The following DHX30 variants were observed in gnomAD, a reference collection of about 807,000 sequenced individuals.
The protein encoded by DHX30 is ATP-dependent RNA helicase DHX30.
Under a neutral mutation model 116.9 loss-of-function variants are expected in DHX30, and 4 were observed. The ratio of observed to expected loss-of-function variants is 0.03; its 90% CI spans 0.02 to 0.08. The LOEUF (loss-of-function observed/expected upper bound fraction) is 0.08, where lower values mean the gene tolerates loss of function less well. Ranked by LOEUF, DHX30 falls within the 10% of genes least tolerant of loss-of-function variation. The pLI, the probability that DHX30 is intolerant of heterozygous loss-of-function variation, is 1.00. For missense variants in DHX30, 871 were observed against 1,595.1 expected (o/e 0.55, Z 7.73); for synonymous variants, 697 against 651.7 (o/e 1.07, Z -1.06).
At chr3:47,839,983 AT>A (rs776918088) in intron 6 of DHX30, among the ~76,000 whole-genome samples, 41 of 134,978 alleles carry the variant, frequency 3.0e-4, no homozygotes, top group African/African-American at 5.0e-4. Context: ...CTGGCTACGT[AT>A]TTTTTTTTCT....
rs2038054511 is a variant in DHX30, at chr3:47,849,932, C to T, written c.3397C>T (p.Arg1133Cys). Residue 1133 changes from arginine to cysteine, a missense_variant, in exon 22 of 22, where the codon CGT becomes TGT. Around this residue, in one of 13 missense-constraint regions of DHX30, gnomAD observed 238 missense variants for 481.0 expected, o/e 0.49. Coordinates refer to ENST00000445061, the MANE Select transcript of DHX30 (RefSeq NM_138615.3). ...CCTGCTGCGGCTGGAGGGTGACTCG[C>T]GTACCGTGCGGCTGCTGAAGGAGCT... ...SDLLRLEGDSRTVRLLKELRR... is the reference protein window; with the variant it reads ...SDLLRLEGDSCTVRLLKELRR... 1.9e-6 allele frequency: 3 copies of T among 1,613,272 alleles called. No individual in the cohort carries two copies. The highest frequency in any genetic ancestry group is 2.5e-6 in the Non-Finnish European group (3 of 1,179,850).
intron 2 of DHX30, among the ~76,000 whole-genome samples, chr3:47,808,038 G>A (rs561140751): frequency 1.7e-4 from 26 of 151,968 alleles, no homozygotes; most frequent in South Asian, 1.7e-3. Context: ...AGCCTCCCAC[G>A]TAGTTGGGAT....
intron 6 of DHX30, among the ~76,000 whole-genome samples, chr3:47,831,448 A>T (rs1164499383): frequency 6.6e-6 from 1 of 152,152 alleles, no homozygotes; most frequent in Non-Finnish European, 1.5e-5. Flanking sequence ...GGGGGCAGAT[A>T]CCCAGACTGT....
Position 47,805,374 on chromosome 3 carries a change from C to G in DHX30, c.-74C>G, listed in dbSNP as rs2035469755. Reference sequence around the variant, plus strand: ...GGAATAGCAAGGAGAGAATTCAGCTCCAGTTCAAAAGCCTACAAAATCTGA... The same window carrying G: ...GGAATAGCAAGGAGAGAATTCAGCTGCAGTTCAAAAGCCTACAAAATCTGA... On this transcript the variant is annotated 5_prime_UTR_variant, in exon 2 of 22. Transcript: ENST00000445061. The G allele has an allele frequency of 5.0e-6, 2 of 398,946 alleles. No homozygotes were observed. The highest frequency in any genetic ancestry group is 3.6e-5 in the East Asian group (1 of 28,082). The allele number at this position is 398,946 out of a possible 1,614,324, so 24.7% of individuals were successfully genotyped here.
At chr3:47,810,163 TA>T (rs2035729049) in intron 2 of DHX30, among the ~76,000 whole-genome samples, 1 of 152,250 alleles carries the variant, frequency 6.6e-6, no homozygotes, top group South Asian at 2.1e-4. Context: ...GACTAGGTTT[TA>T]TGAAAGCCCA....
rs142466412 is a variant in DHX30, at chr3:47,843,245, A to C, written c.929A>C (p.Lys310Thr). Residue 310 changes from lysine (K) to threonine (T), a missense_variant, in exon 9 of 22, where the codon AAG becomes ACG. Lys to Thr is a moderately conservative substitution (Grantham distance 78). This residue lies in a region of DHX30 where 175 missense variants were observed against 292.9 expected (regional missense o/e 0.60). Transcript: ENST00000445061. Reference protein sequence around the residue: ...AENKAAALACKKLKSLGLVDR... With the variant: ...AENKAAALACTKLKSLGLVDR... ...AATAAGGCGGCAGCCTTGGCCTGCAAGAAACTGAAGGTGAGTCCAGGAAGG... is the reference window on the plus strand; with the variant it reads ...AATAAGGCGGCAGCCTTGGCCTGCACGAAACTGAAGGTGAGTCCAGGAAGG... 6.2e-7 allele frequency: 1 copy of C among 1,614,254 alleles called. No homozygotes were observed.
At position 47,828,981 on chromosome 3, in the gene DHX30, T is replaced by C. The variant is rs569880162; in HGVS notation, c.256-43T>C. On this transcript the variant is annotated intron_variant, in intron 5 of 21. Coordinates refer to ENST00000445061, the MANE Select transcript of DHX30 (RefSeq NM_138615.3). Reference sequence around the variant, plus strand: ...TCCATGTAATTTGCAACAACTCTAGTCTGGAGTGGCAAGACTTCTGATTTC... The same window carrying C: ...TCCATGTAATTTGCAACAACTCTAGCCTGGAGTGGCAAGACTTCTGATTTC... The C allele has an allele frequency of 7.1e-5, 89 of 1,259,716 alleles. 1 individual carries two copies. The East Asian group carries it at 1.7e-3, about 24-fold the overall frequency. The allele number at this position is 1,259,716 out of a possible 1,614,324, so 78.0% of individuals were successfully genotyped here. A position where few individuals can be genotyped will look rare whatever the true frequency, so the allele number is the denominator to read the frequency against.
At position 47,840,999 on chromosome 3, in the gene DHX30, T is replaced by C. The variant is rs1559714493; in HGVS notation, c.489T>C (p.Thr163=). ...WWRPEPTMPP[T]SWRQLNPESI... The stretch of plus-strand genomic sequence containing the variant: ...GTCCGGAACCCACCATGCCCCCTAC[T>C]TCCTGGCGGCAGCTGAATCCAGAGA... Residue 163 remains threonine (T), a synonymous_variant, in exon 7 of 22, where the codon ACT becomes ACC. Transcript: ENST00000445061. 2 of 1,614,216 alleles carry C rather than the reference T, an allele frequency of 1.2e-6. No individual in the cohort carries two copies. The highest frequency in any genetic ancestry group is 2.2e-5 in the East Asian group (1 of 44,880).
rs761543633 is a variant in DHX30 at position 47,848,305 on chromosome 3, C to T, written c.2412C>T (p.Val804=). 3.1e-6 allele frequency: 5 copies of T among 1,613,996 alleles called. No individual in the cohort carries two copies. The highest frequency in any genetic ancestry group is 4.2e-6 in the Non-Finnish European group (5 of 1,180,002). ...LFPRSRLEKM[V]PFQVPEILRT... Reference sequence around the variant, plus strand: ...CTCGAAGCCGGCTGGAGAAAATGGTCCCTTTCCAAGTGCCAGAGATCCTGC... The same window carrying T: ...CTCGAAGCCGGCTGGAGAAAATGGTTCCTTTCCAAGTGCCAGAGATCCTGC... Residue 804 remains valine (V), a synonymous_variant, in exon 15 of 22, where the codon GTC becomes GTT. Transcript: ENST00000445061. This position sits in a 1 kb window ranked among gnomAD's most constrained non-coding sequence, Gnocchi z 9.4.
chr3:47,845,793 C>G lies in DHX30; in HGVS notation c.1033C>G (p.Pro345Ala). ...TGAGCTGGGTGAGACCCAGCGCCGA[C>G]CATGCACCATCCAGGTGCCCGAGCC... ...LRELGETQRR[P>A]CTIQVPEPIL... Residue 345 changes from proline to alanine, a missense_variant, in exon 10 of 22, where the codon CCA becomes GCA. Coordinates refer to ENST00000445061, the MANE Select transcript of DHX30 (RefSeq NM_138615.3). The G allele has an allele frequency of 6.2e-7, 1 of 1,611,842 alleles. No homozygotes were observed. Among genetic ancestry groups the G allele is most frequent in the Non-Finnish European group, 8.5e-7 (1 of 1,178,062 alleles).
chr3:47,816,646 G>A (rs977874879), intron 3 of DHX30: 5 of 985,336 alleles, frequency 5.1e-6, no homozygotes, highest in African/African-American at 1.7e-5. Context: ...GTGAGCCACC[G>A]CGCCGGGCTA....
chr3:47,849,113 C>T (rs1414580512), intron 18 of DHX30, 34 bp downstream of exon 18: 1 of 1,611,490 alleles, frequency 6.2e-7, no homozygotes, highest in Non-Finnish European at 8.5e-7. Flanking sequence ...TCCTGAGCCC[C>T]TCCCACCCCC....
chr3:47,803,887 T>C (rs1012541153), intron 1 of DHX30, among the ~76,000 whole-genome samples: 5 of 152,148 alleles, frequency 3.3e-5, no homozygotes, highest in African/African-American at 1.2e-4. Flanking sequence ...TGTAGCAACA[T>C]TGGTCACTTG....
chr3:47,811,448 C>A (rs955912913), intron 3 of DHX30, among the ~76,000 whole-genome samples: 6 of 152,096 alleles, frequency 3.9e-5, no homozygotes, highest in Non-Finnish European at 2.9e-5. Flanking sequence ...CTGTTGTGTG[C>A]TTTTACGATG....
At position 47,841,131 on chromosome 3, in the gene DHX30, C is replaced by G. The variant is rs765255798; in HGVS notation, c.621C>G (p.Phe207Leu). 4.4e-5 allele frequency: 71 copies of G among 1,614,090 alleles called. No individual in the cohort carries two copies. The highest frequency in any genetic ancestry group is 5.7e-5 in the Non-Finnish European group (67 of 1,180,042). Reference protein sequence around the residue: ...LEEGTIDVTDFLSMTQQDSHA... With the variant: ...LEEGTIDVTDLLSMTQQDSHA... ...AAGGGACCATAGATGTTACCGACTT[C>G]TTGTCCATGACCCAGCAGGATTCCC... Residue 207 changes from phenylalanine (F) to leucine (L), a missense_variant, in exon 7 of 22, where the codon TTC becomes TTG. Around this residue, in one of 13 missense-constraint regions of DHX30, gnomAD observed 109 missense variants for 118.8 expected, o/e 0.92. Coordinates refer to ENST00000445061, the MANE Select transcript of DHX30 (RefSeq NM_138615.3).
chr3:47,827,738 A>G (rs2036609949), intron 5 of DHX30, among the ~76,000 whole-genome samples: 1 of 152,174 alleles, frequency 6.6e-6, no homozygotes. Flanking sequence ...TTTTGCCCCC[A>G]TCGACTAAGG....
chr3:47,841,231 G>A, intron 7 of DHX30, 53 bp downstream of exon 7: 1 of 1,593,438 alleles, frequency 6.3e-7, no homozygotes, highest in Middle Eastern at 1.9e-4. Flanking sequence ...TTGACACGGG[G>A]ATGGGCGAAT....
chr3:47,815,281 G>C (rs1382310611), intron 3 of DHX30, among the ~76,000 whole-genome samples: 3 of 152,190 alleles, frequency 2.0e-5, no homozygotes, highest in Non-Finnish European at 4.4e-5. Flanking sequence ...TATGGTCGGT[G>C]CTCAACCCTT....
intron 9 of DHX30, among the ~76,000 whole-genome samples, chr3:47,843,490 G>A (rs2037467049): frequency 6.6e-6 from 1 of 152,234 alleles, no homozygotes; most frequent in South Asian, 2.1e-4. Context: ...CACACTGTTG[G>A]CCTGAACCTG....
Sources: gnomAD v4.1 joint callset for allele counts (sites outside exome capture counted in the v4.1 genomes callset) on GRCh38, gnomAD v4.1.1 for gene constraint, gnomAD v4.1.1 regional missense constraint, Gnocchi (gnomAD v3.1) non-coding constraint, MANE v1.5 for transcripts, NCBI Gene and HGNC (gene_info 2026-07-23, HGNC 2026-07-21) for gene names.